The following HPSE2 variants were observed in gnomAD, a reference collection of about 807,000 sequenced individuals.
HPSE2 encodes heparanase 2 (inactive).
HPSE2 carries 38 observed loss-of-function variants against 60.5 expected under a neutral mutation model. The ratio of observed to expected loss-of-function variants is 0.63; its 90% CI spans 0.48 to 0.82. The LOEUF is 0.82. Ranked by LOEUF, HPSE2 falls within the 40% of genes least tolerant of loss-of-function variation. The probability of loss-of-function intolerance (pLI) is 0.00; values close to 1 mark genes in which losing one functional copy is unlikely to be tolerated. For missense variants in HPSE2, 713 were observed against 740.4 expected (o/e 0.96, Z 0.43); for synonymous variants, 295 against 293.2 (o/e 1.01, Z -0.06).
intron 3 of HPSE2, among the ~76,000 whole-genome samples, chr10:98,802,636 C>G (rs992031930): frequency 3.3e-5 from 5 of 151,938 alleles, no homozygotes; most frequent in African/African-American, 1.2e-4. Flanking sequence ...CATGTCCCTA[C>G]AAAGGACATG....
At chr10:98,927,118 G>C (rs1023726156) in intron 3 of HPSE2, among the ~76,000 whole-genome samples, 19 of 152,038 alleles carry the variant, frequency 1.2e-4, no homozygotes, top group Non-Finnish European at 2.8e-4. Flanking sequence ...ATGTCTATTA[G>C]GTCTGCTTGG....
intron 4 of HPSE2, among the ~76,000 whole-genome samples, chr10:98,736,208 G>C (rs956719668): frequency 9.0e-5 from 5 of 55,690 alleles, no homozygotes; most frequent in East Asian, 1.1e-3. Context: ...TTCCCCTTTT[G>C]CTTGGTTTTT....
intron 3 of HPSE2, among the ~76,000 whole-genome samples, chr10:98,879,418 CACTAT>C (rs1296899020): frequency 2.0e-5 from 3 of 152,036 alleles, no homozygotes; most frequent in African/African-American, 7.2e-5. Flanking sequence ...ACAATACATA[CACTAT>C]AAACATTTTC....
chr10:99,121,561 C>G (rs1393514350), intron 3 of HPSE2, among the ~76,000 whole-genome samples: 1 of 151,838 alleles, frequency 6.6e-6, no homozygotes, highest in Non-Finnish European at 1.5e-5. Flanking sequence ...TGTAAAAAGA[C>G]AGTTACCTTC....
chr10:98,826,543 G>A (rs1469847916), intron 3 of HPSE2, among the ~76,000 whole-genome samples: 1 of 152,166 alleles, frequency 6.6e-6, no homozygotes, highest in African/African-American at 2.4e-5. Context: ...GAATATTCCA[G>A]GAATGACAGT....
chr10:98,761,973 T>TC (rs1950014733), intron 3 of HPSE2, among the ~76,000 whole-genome samples: 1 of 147,742 alleles, frequency 6.8e-6, no homozygotes, highest in African/African-American at 2.5e-5. Context: ...TCATTTACCT[T>TC]CCCTCCCCTC....
chr10:98,975,722 G>C (rs1956068331), intron 3 of HPSE2, among the ~76,000 whole-genome samples: 1 of 152,188 alleles, frequency 6.6e-6, no homozygotes, highest in Non-Finnish European at 1.5e-5. Context: ...GAAGCAAGTA[G>C]ATGTAAGTGT....
At chr10:98,586,833 G>A (rs1026981762) in intron 9 of HPSE2, among the ~76,000 whole-genome samples, 3 of 152,146 alleles carry the variant, frequency 2.0e-5, no homozygotes, top group Non-Finnish European at 4.4e-5. Flanking sequence ...ATCATCAGTC[G>A]TGGGTGCTCC....
upstream of HPSE2, among the ~76,000 whole-genome samples, chr10:99,239,731 C>T (rs1469077193): frequency 1.3e-5 from 2 of 151,436 alleles, no homozygotes; most frequent in Admixed American, 6.6e-5. Context: ...CGCCCAGCCC[C>T]GTTTGTCAAC....
chr10:98,640,523 CCTCCA>C (rs1173112507), intron 7 of HPSE2, among the ~76,000 whole-genome samples: 1 of 152,132 alleles, frequency 6.6e-6, no homozygotes, highest in African/African-American at 2.4e-5. Context: ...AAGGTCAAGA[CCTCCA>C]CTTTAGCTCT....
intron 3 of HPSE2, among the ~76,000 whole-genome samples, chr10:98,906,163 C>T (rs1953810162): frequency 6.6e-6 from 1 of 152,222 alleles, no homozygotes; most frequent in Non-Finnish European, 1.5e-5. Flanking sequence ...GGAGGCATCA[C>T]AGACCAATGT....
chr10:98,493,487 T>G (rs1250588616), intron 9 of HPSE2, among the ~76,000 whole-genome samples: 1 of 152,216 alleles, frequency 6.6e-6, no homozygotes, highest in Non-Finnish European at 1.5e-5. Context: ...TAATCAGGTG[T>G]GTAAACATAA....
At chr10:99,114,784 G>A in intron 3 of HPSE2, among the ~76,000 whole-genome samples, 1 of 151,494 alleles carries the variant, frequency 6.6e-6, no homozygotes, top group Non-Finnish European at 1.5e-5. Context: ...CGTGGTGGTA[G>A]GCACCTGTGG....
At chr10:98,517,590 C>A (rs895139721) in intron 9 of HPSE2, among the ~76,000 whole-genome samples, 5 of 152,156 alleles carry the variant, frequency 3.3e-5, no homozygotes, top group African/African-American at 9.7e-5. Context: ...TTTTGTTAAT[C>A]CTCACTTAAG....
chr10:99,116,809 G>C (rs1482092142), intron 3 of HPSE2, among the ~76,000 whole-genome samples: 15 of 152,160 alleles, frequency 9.9e-5, no homozygotes, highest in Non-Finnish European at 1.5e-5. Flanking sequence ...AGGGAAGGTA[G>C]GGGCTGCAGG....
intron 3 of HPSE2, among the ~76,000 whole-genome samples, chr10:98,760,402 G>T (rs1949979211): frequency 6.6e-6 from 1 of 151,948 alleles, no homozygotes; most frequent in Admixed American, 6.6e-5. Context: ...AAAGCTTTTG[G>T]CTTTTTACTG....
At chr10:99,131,474 T>C (rs1473481218) in intron 3 of HPSE2, among the ~76,000 whole-genome samples, 1 of 152,024 alleles carries the variant, frequency 6.6e-6, no homozygotes, top group Admixed American at 6.5e-5. Flanking sequence ...GAAAATGTGA[T>C]ATATATTTAT....
chr10:99,131,674 A>G (rs1022528046), intron 3 of HPSE2, among the ~76,000 whole-genome samples: 5 of 152,204 alleles, frequency 3.3e-5, no homozygotes, highest in Admixed American at 6.5e-5. Context: ...GTTCTCACTC[A>G]TAAGTTGGAA....
intron 9 of HPSE2, among the ~76,000 whole-genome samples, chr10:98,529,986 G>A (rs1564943442): frequency 2.0e-5 from 3 of 152,228 alleles, no homozygotes. Flanking sequence ...AGAGCACTCT[G>A]TGATAGAGCA....
Sources: allele counts gnomAD v4.1 joint callset (sites outside exome capture counted in the v4.1 genomes callset), GRCh38; gene constraint gnomAD v4.1.1; transcripts MANE v1.5; gene names NCBI Gene and HGNC (gene_info 2026-07-23, HGNC 2026-07-21).